The following CWH43 variants were observed in gnomAD, a reference collection of about 807,000 sequenced individuals.
CWH43 encodes cell wall biogenesis 43 C-terminal homolog, also known as PGAP2-interacting protein.
Under a neutral mutation model 85.7 loss-of-function variants are expected in CWH43, and 91 were observed. The ratio of observed to expected loss-of-function variants is 1.06; its 90% CI spans 0.90 to 1.26. The LOEUF is 1.26. Among genes scored for constraint, CWH43 ranks in the 50% most tolerant of loss-of-function variants. The probability of loss-of-function intolerance (pLI) is 0.00; values close to 1 mark genes in which losing one functional copy is unlikely to be tolerated. For synonymous variants in CWH43, 323 were observed against 293.6 expected (o/e 1.10, Z -1.02); for missense variants, 869 against 839.2 (o/e 1.04, Z -0.44).
At chr4:49,022,764 G>A (rs995881769) in intron 9 of CWH43, among the ~76,000 whole-genome samples, 2 of 151,842 alleles carry the variant, frequency 1.3e-5, no homozygotes, top group African/African-American at 4.8e-5. Context: ...TTTTTTCCTG[G>A]TTTAATCTAG....
chr4:49,025,915 A>G (rs553744108), intron 9 of CWH43, among the ~76,000 whole-genome samples: 37 of 152,186 alleles, frequency 2.4e-4, no homozygotes, highest in African/African-American at 6.5e-4. Flanking sequence ...AACTCCCCCA[A>G]AATTATGTCC....
intron 8 of CWH43, among the ~76,000 whole-genome samples, chr4:49,014,507 G>A (rs1383524511): frequency 1.3e-5 from 2 of 151,746 alleles, no homozygotes; most frequent in East Asian, 3.9e-4. Context: ...TAAACTTAGG[G>A]AGAAATGAGA....
intron 5 of CWH43, among the ~76,000 whole-genome samples, chr4:48,996,538 G>A (rs1283663033): frequency 1.3e-5 from 2 of 152,164 alleles, no homozygotes; most frequent in Admixed American, 6.6e-5. Flanking sequence ...TATCTGGGAG[G>A]AAGGCAGAGA....
intron 8 of CWH43, among the ~76,000 whole-genome samples, chr4:49,014,870 A>C (rs967244910): frequency 2.0e-5 from 3 of 152,104 alleles, no homozygotes; most frequent in African/African-American, 7.2e-5. Flanking sequence ...ATGAACCTAC[A>C]TTGATACATC....
rs145896145 is a variant in CWH43 at position 48,990,401 on chromosome 4, C to T, written c.236-1053C>T. Among the ~76,000 whole-genome samples the T allele has an allele frequency of 2.9e-3, 444 of 152,268 alleles. 2 individuals carry two copies. The highest frequency in any genetic ancestry group is 0.01 in the African/African-American group (418 of 41,540). Reference sequence around the variant, plus strand: ...GAGGCTAAAGTAAGCCACGATTTGTCTTAAAACTCCCTTCAAATACTTCTT... The same window carrying T: ...GAGGCTAAAGTAAGCCACGATTTGTTTTAAAACTCCCTTCAAATACTTCTT... On this transcript the variant is annotated intron_variant, in intron 2 of 15. Coordinates refer to ENST00000226432, the MANE Select transcript of CWH43 (RefSeq NM_025087.3).
intron 15 of CWH43, 115 bp from the exon 16 acceptor site, chr4:49,061,696 CT>C: frequency 4.2e-6 from 4 of 946,284 alleles, no homozygotes; most frequent in Non-Finnish European, 5.6e-6. Flanking sequence ...ATGCATGAAT[CT>C]TTTTTATTTA....
At chr4:49,048,483 T>C (rs1784699635) in intron 14 of CWH43, among the ~76,000 whole-genome samples, 3 of 152,122 alleles carry the variant, frequency 2.0e-5, no homozygotes, top group Non-Finnish European at 4.4e-5. Context: ...ATAGACTTGG[T>C]GGTCTAAACA....
chr4:49,018,942 T>C (rs1279789179), intron 9 of CWH43, among the ~76,000 whole-genome samples: 1 of 152,218 alleles, frequency 6.6e-6, no homozygotes, highest in East Asian at 1.9e-4. Context: ...CTGTCGGTCA[T>C]TATTATTGCA....
intron 8 of CWH43, among the ~76,000 whole-genome samples, chr4:49,016,061 T>C (rs962710712): frequency 3.3e-5 from 5 of 152,134 alleles, no homozygotes; most frequent in Non-Finnish European, 4.4e-5. Context: ...TTCTTGTGTG[T>C]TTTGTGACTT....
At chr4:49,008,644 T>G (rs1364367614) in intron 8 of CWH43, among the ~76,000 whole-genome samples, 1 of 152,234 alleles carries the variant, frequency 6.6e-6, no homozygotes, top group Non-Finnish European at 1.5e-5. Flanking sequence ...CCTGAATTAA[T>G]TTTTGTACAA....
chr4:49,021,939 T>C (rs1173255722), intron 9 of CWH43, among the ~76,000 whole-genome samples: 1 of 152,160 alleles, frequency 6.6e-6, no homozygotes, highest in Non-Finnish European at 1.5e-5. Context: ...TTACCAGTTC[T>C]AGGAGCTTTT....
intron 14 of CWH43, among the ~76,000 whole-genome samples, chr4:49,046,514 T>C (rs1469991697): frequency 6.6e-6 from 1 of 151,990 alleles, no homozygotes; most frequent in Non-Finnish European, 1.5e-5. Context: ...GAGATATGCA[T>C]GATGAAAGAA....
intron 13 of CWH43, among the ~76,000 whole-genome samples, chr4:49,044,286 A>G (rs554909206): frequency 1.3e-5 from 2 of 152,344 alleles, no homozygotes; most frequent in South Asian, 2.1e-4. Context: ...AGAAACACAG[A>G]TGGAACACCT....
In CWH43 at chr4:49,061,799, T is replaced by C; in HGVS notation, c.2022-13T>C. 7.3e-7 allele frequency: 1 copy of C among 1,362,990 alleles called. No individual in the cohort carries two copies. Among genetic ancestry groups the C allele is most frequent in the Non-Finnish European group, 9.7e-7 (1 of 1,029,946 alleles). The allele number at this position is 1,362,990 out of a possible 1,614,324, so 84.4% of individuals were successfully genotyped here. A position where few individuals can be genotyped will look rare whatever the true frequency, so the allele number is the denominator to read the frequency against. ...CATGCCAATAACTTTTTATTTATTT[T>C]TTATTTTTTTAGATTTGGATCCTAC... On this transcript the variant is annotated splice_polypyrimidine_tract_variant and intron_variant, in intron 15 of 15. Coordinates refer to ENST00000226432, the MANE Select transcript of CWH43 (RefSeq NM_025087.3).
chr4:49,038,592 C>A (rs548720684), intron 13 of CWH43, among the ~76,000 whole-genome samples: 18 of 152,278 alleles, frequency 1.2e-4, no homozygotes, highest in African/African-American at 4.1e-4. Context: ...ATCTGTTTTG[C>A]TTTGTATGGC....
intron 9 of CWH43, among the ~76,000 whole-genome samples, chr4:49,017,911 T>A (rs911893905): frequency 1.3e-5 from 2 of 152,084 alleles, no homozygotes; most frequent in African/African-American, 2.4e-5. Flanking sequence ...CTTGGCTCAC[T>A]GCAACCTCTG....
chr4:49,011,551 A>G (rs1013434749), intron 8 of CWH43, among the ~76,000 whole-genome samples: 1 of 152,182 alleles, frequency 6.6e-6, no homozygotes, highest in Non-Finnish European at 1.5e-5. Context: ...CAGTTTCTTC[A>G]TAGCATCGAC....
Position 48,991,519 on chromosome 4 carries a change from T to C in CWH43, c.301T>C (p.Ser101Pro). The change falls in exon 3 of 16, where the codon TCT becomes CCT. Residue 101 changes from serine to proline, a missense_variant. This residue lies in a region of CWH43 where 140 missense variants were observed against 122.6 expected (regional missense o/e 1.14). Transcript: ENST00000226432. ...LRLMVLALGV[S>P]SSLIVQAVTW... ...ACTGATGGTTCTTGCGCTTGGGGTG[T>C]CTTCCTCACTGATAGTGCAAGCTGT... 6.2e-7 allele frequency: 1 copy of C among 1,614,094 alleles called. No homozygotes were observed. Among genetic ancestry groups the C allele is most frequent in the East Asian group, 2.2e-5 (1 of 44,876 alleles).
intron 8 of CWH43, among the ~76,000 whole-genome samples, chr4:49,011,728 C>T (rs974087319): frequency 2.6e-5 from 4 of 152,138 alleles, no homozygotes; most frequent in Admixed American, 6.5e-5. Flanking sequence ...TTTTATTTCT[C>T]CTTCACTTAT....
Sources: allele counts gnomAD v4.1 joint callset (sites outside exome capture counted in the v4.1 genomes callset), GRCh38; gene constraint gnomAD v4.1.1; regional missense constraint gnomAD v4.1.1; transcripts MANE v1.5; gene names NCBI Gene and HGNC (gene_info 2026-07-23, HGNC 2026-07-21).